TLN2: variants seen among roughly 807,000 people sequenced by gnomAD.
TLN2 encodes talin-2.
TLN2 carries 118 observed loss-of-function variants against 294.7 expected under a neutral mutation model. The ratio of observed to expected loss-of-function variants is 0.40; its 90% CI spans 0.34 to 0.47. The LOEUF (loss-of-function observed/expected upper bound fraction) is 0.47, where lower values mean the gene tolerates loss of function less well. Among genes scored for constraint, TLN2 ranks in the 20% least tolerant of loss-of-function variants. TLN2 has a pLI of 0.84. For synonymous variants in TLN2, 1,431 were observed against 1,304.5 expected (o/e 1.10, Z -2.09); for missense variants, 3,083 against 3,282.2 (o/e 0.94, Z 1.48).
intron 54 of TLN2, chr15:62,824,184 T>C (rs1394604656): frequency 3.1e-6 from 1 of 324,616 alleles, no homozygotes; most frequent in Non-Finnish European, 6.0e-6. Flanking sequence ...CCTGTATCAG[T>C]ATTACTGGAT....
chr15:62,762,414 C>T lies in TLN2; in HGVS notation c.4922C>T (p.Thr1641Ile). Reference protein sequence around the residue: ...TWSVLAGHSHTVSDSIKSLIT... With the variant: ...TWSVLAGHSHIVSDSIKSLIT... ...TCTGTACTGGCTGGACATTCCCATA[C>T]AGTGTCCGACTCCATCAAGAGTCTC... Residue 1641 changes from threonine to isoleucine, a missense_variant, in exon 39 of 59, where the codon ACA (threonine) becomes ATA (isoleucine). Physicochemically the swap from Thr to Ile is moderately conservative, Grantham distance 89. Transcript: ENST00000636159. 1 of 1,614,170 alleles carries T rather than the reference C, an allele frequency of 6.2e-7. No individual in the cohort carries two copies. The highest frequency in any genetic ancestry group is 8.5e-7 in the Non-Finnish European group (1 of 1,180,024).
intron 1 of TLN2, among the ~76,000 whole-genome samples, chr15:62,541,332 T>C (rs1281890373): frequency 6.6e-6 from 1 of 152,218 alleles, no homozygotes; most frequent in Non-Finnish European, 1.5e-5. Context: ...TTGGCCACTG[T>C]CTTGGCTGAA....
At chr15:62,480,199 T>G (rs1025961845) in intron 1 of TLN2, among the ~76,000 whole-genome samples, 2 of 152,116 alleles carry the variant, frequency 1.3e-5, no homozygotes, top group African/African-American at 4.8e-5. Flanking sequence ...CAGATTTTGT[T>G]TATATATCTT....
intron 1 of TLN2, among the ~76,000 whole-genome samples, chr15:62,525,940 G>A (rs2040713192): frequency 6.6e-6 from 1 of 152,152 alleles, no homozygotes; most frequent in Non-Finnish European, 1.5e-5. Flanking sequence ...GAGAACTGCT[G>A]CAAGGGAAGC....
intron 45 of TLN2, among the ~76,000 whole-genome samples, chr15:62,788,886 A>G (rs1253428839): frequency 6.6e-6 from 1 of 152,184 alleles, no homozygotes. Context: ...CCAGAATGGG[A>G]CATAGCTTCT....
At chr15:62,756,782 C>G (rs374335413) in intron 37 of TLN2, among the ~76,000 whole-genome samples, 12 of 152,118 alleles carry the variant, frequency 7.9e-5, no homozygotes, top group African/African-American at 2.9e-4. Flanking sequence ...AACAGGATGA[C>G]CAAGCAGAGG....
At position 62,524,040 on chromosome 15, in the gene TLN2, T is replaced by A. The variant is rs76984989; in HGVS notation, c.-237-65647T>A. Among the ~76,000 whole-genome samples, 345 of 152,318 alleles carry A rather than the reference T, an allele frequency of 2.3e-3. 1 individual carries two copies. Among genetic ancestry groups the A allele is most frequent in the African/African-American group, 8.0e-3 (334 of 41,560 alleles). Reference sequence around the variant, plus strand: ...CTATGTCCTTTTGAGGGACCTGGGGTGAAAGGTGGTTTGTGGGAACCACTA... The same window carrying A: ...CTATGTCCTTTTGAGGGACCTGGGGAGAAAGGTGGTTTGTGGGAACCACTA... On this transcript the variant is annotated intron_variant, in intron 1 of 58. Transcript: ENST00000636159.
chr15:62,674,200 A>G (rs1005769560), intron 10 of TLN2, among the ~76,000 whole-genome samples: 2 of 152,240 alleles, frequency 1.3e-5, no homozygotes, highest in African/African-American at 2.4e-5. Context: ...GGAAGGATCT[A>G]CAAGTAGCCT....
At chr15:62,526,380 G>A (rs1471902901) in intron 1 of TLN2, among the ~76,000 whole-genome samples, 1 of 152,116 alleles carries the variant, frequency 6.6e-6, no homozygotes, top group East Asian at 1.9e-4. Context: ...TTAAAACATT[G>A]GTACACTTCC....
At chr15:62,481,214 C>CT (rs1555414688) in intron 1 of TLN2, among the ~76,000 whole-genome samples, 1 of 134,028 alleles carries the variant, frequency 7.5e-6, no homozygotes, top group Non-Finnish European at 1.7e-5. Flanking sequence ...GCAAGTTGTT[C>CT]TTTTTTCTTT....
chr15:62,726,969 T>C, intron 27 of TLN2, 118 bp from the exon 28 acceptor site: 2 of 1,026,194 alleles, frequency 1.9e-6, no homozygotes, highest in Middle Eastern at 2.2e-4. Context: ...CTTAGTGCCA[T>C]TGGTGGGAAA....
At chr15:62,668,784 T>C (rs1260163048) in intron 9 of TLN2, among the ~76,000 whole-genome samples, 1 of 152,244 alleles carries the variant, frequency 6.6e-6, no homozygotes, top group African/African-American at 2.4e-5. Flanking sequence ...GTTAATCTGC[T>C]GGTGCTTGTA....
At chr15:62,457,084 T>C (rs912254002) in intron 1 of TLN2, among the ~76,000 whole-genome samples, 1 of 152,306 alleles carries the variant, frequency 6.6e-6, no homozygotes, top group East Asian at 1.9e-4. Context: ...TTAGCTCAGG[T>C]TGCTATTGGA....
At chr15:62,567,981 TCTGTAC>T (rs1215586635) in intron 1 of TLN2, among the ~76,000 whole-genome samples, 1 of 152,238 alleles carries the variant, frequency 6.6e-6, no homozygotes, top group Admixed American at 6.5e-5. Flanking sequence ...CCCCCTGTAA[TCTGTAC>T]CTTGTAACCA....
chr15:62,485,209 A>C (rs1242936022), intron 1 of TLN2, among the ~76,000 whole-genome samples: 10 of 152,030 alleles, frequency 6.6e-5, no homozygotes, highest in Admixed American at 6.6e-4. Context: ...CTCCATCTCA[A>C]AGTCTTTAAC....
In TLN2 at chr15:62,414,942, G is replaced by A. The variant is rs186262574; in HGVS notation, c.-238+24257G>A. Among the ~76,000 whole-genome samples the A allele has an allele frequency of 7.5e-4, 105 of 140,044 alleles. 6 individuals are homozygous for A. Among genetic ancestry groups the A allele is most frequent in the African/African-American group, 2.4e-3 (95 of 39,250 alleles). 91.9% of individuals were successfully genotyped at this position (140,044 alleles called of 152,430 possible). A position where few individuals can be genotyped will look rare whatever the true frequency, so the allele number is the denominator to read the frequency against. On this transcript the variant is annotated intron_variant, in intron 1 of 58. Coordinates refer to ENST00000636159, the MANE Select transcript of TLN2 (RefSeq NM_015059.3). The stretch of plus-strand genomic sequence containing the variant: ...TTATTTATTATTGAAATGGAGTTTC[G>A]CTCTTGCTGCCCAGGCTGGAGTGCA...
At chr15:62,805,257 G>T (rs1375094793) in intron 50 of TLN2, among the ~76,000 whole-genome samples, 1 of 152,064 alleles carries the variant, frequency 6.6e-6, no homozygotes, top group Non-Finnish European at 1.5e-5. Flanking sequence ...CAGCAGGGAT[G>T]GGGGAAGAGA....
intron 9 of TLN2, among the ~76,000 whole-genome samples, chr15:62,668,614 G>A (rs567550185): frequency 2.0e-5 from 3 of 152,308 alleles, no homozygotes; most frequent in South Asian, 2.1e-4. Flanking sequence ...GTCAGGGTGC[G>A]TAGTGGCCCA....
At chr15:62,824,480 CT>C (rs2067859604) in intron 54 of TLN2, among the ~76,000 whole-genome samples, 1 of 152,226 alleles carries the variant, frequency 6.6e-6, no homozygotes, top group Non-Finnish European at 1.5e-5. Flanking sequence ...TTTTCTATGA[CT>C]TCCCTTTCCA....
Sources: gnomAD v4.1 joint callset for allele counts (sites outside exome capture counted in the v4.1 genomes callset) on GRCh38, gnomAD v4.1.1 for gene constraint, MANE v1.5 for transcripts, NCBI Gene and HGNC (gene_info 2026-07-23, HGNC 2026-07-21) for gene names.